The following CRACD variants were observed in gnomAD, a reference collection of about 807,000 sequenced individuals.
The protein encoded by CRACD is capping protein inhibiting regulator of actin dynamics.
CRACD carries 56 observed loss-of-function variants against 106.8 expected under a neutral mutation model. The ratio of observed to expected loss-of-function variants is 0.52; its 90% CI spans 0.42 to 0.66. CRACD has a LOEUF of 0.66. Ranked by LOEUF, CRACD falls within the 30% of genes least tolerant of loss-of-function variation. CRACD has a pLI of 0.00. For missense variants in CRACD, 1,730 were observed against 1,623.2 expected (o/e 1.07, Z -1.13); for synonymous variants, 754 against 670.8 (o/e 1.12, Z -1.92).
At chr4:56,291,451 A>C (rs1440477525) in intron 3 of CRACD, among the ~76,000 whole-genome samples, 3 of 152,172 alleles carry the variant, frequency 2.0e-5, no homozygotes, top group African/African-American at 7.2e-5. Flanking sequence ...TTTCAAGCTG[A>C]GATCTCCACG....
chr4:56,262,618 T>G (rs762659108), intron 2 of CRACD, among the ~76,000 whole-genome samples: 1 of 152,206 alleles, frequency 6.6e-6, no homozygotes, highest in Non-Finnish European at 1.5e-5. Context: ...ACCAAAAGAT[T>G]GGACACTCCT....
At chr4:56,184,326 C>T (rs1405366752) in intron 2 of CRACD, among the ~76,000 whole-genome samples, 1 of 152,234 alleles carries the variant, frequency 6.6e-6, no homozygotes, top group African/African-American at 2.4e-5. Context: ...CCACCTCAGC[C>T]TCCCAAAGTG....
intron 1 of CRACD, among the ~76,000 whole-genome samples, chr4:56,107,827 TC>T (rs1164310357): frequency 6.6e-6 from 1 of 152,204 alleles, no homozygotes. Flanking sequence ...TGTGTATCAA[TC>T]CCTTAATCCA....
chr4:56,305,634 T>C (rs1744647463), intron 4 of CRACD, among the ~76,000 whole-genome samples: 2 of 152,188 alleles, frequency 1.3e-5, no homozygotes, highest in Non-Finnish European at 2.9e-5. Flanking sequence ...ACGCTGTACT[T>C]CCCTTGCTGA....
At chr4:56,200,151 G>A (rs2109472128) in intron 2 of CRACD, among the ~76,000 whole-genome samples, 1 of 150,158 alleles carries the variant, frequency 6.7e-6, no homozygotes, top group East Asian at 1.9e-4. Context: ...TTTCTTTGTG[G>A]CTTAGTCAAA....
chr4:56,182,054 A>G (rs1560474604), intron 2 of CRACD, among the ~76,000 whole-genome samples: 1 of 152,170 alleles, frequency 6.6e-6, no homozygotes, highest in Non-Finnish European at 1.5e-5. Context: ...AGAAAACTCA[A>G]ATAACTTGCC....
chr4:56,105,784 A>G (rs1057189140), intron 1 of CRACD, among the ~76,000 whole-genome samples: 13 of 152,228 alleles, frequency 8.5e-5, no homozygotes, highest in African/African-American at 3.1e-4. Context: ...ATATGATTCT[A>G]ACTGAAATAT....
At chr4:56,092,654 G>A (rs1733460084) in intron 1 of CRACD, among the ~76,000 whole-genome samples, 1 of 151,928 alleles carries the variant, frequency 6.6e-6, no homozygotes, top group South Asian at 2.1e-4. Flanking sequence ...CCAGGCTGGA[G>A]TGCAGTGTGT....
intron 1 of CRACD, among the ~76,000 whole-genome samples, chr4:56,081,805 A>G (rs924384167): frequency 4.6e-5 from 7 of 152,116 alleles, no homozygotes; most frequent in Admixed American, 4.6e-4. Context: ...GCGAAACCCC[A>G]TCTCTACTAA....
intron 1 of CRACD, among the ~76,000 whole-genome samples, chr4:56,091,248 A>G (rs1019073491): frequency 1.8e-4 from 28 of 151,968 alleles, no homozygotes; most frequent in African/African-American, 3.6e-4. Context: ...TAGAGACACT[A>G]TCTTTTCCAG....
chr4:56,086,976 T>G (rs1364477862), intron 1 of CRACD, among the ~76,000 whole-genome samples: 1 of 152,152 alleles, frequency 6.6e-6, no homozygotes, highest in African/African-American at 2.4e-5. Context: ...ATGCTCTCTC[T>G]CCCTCTTCTT....
chr4:56,325,841 A>T (rs1465548488), intron 10 of CRACD, among the ~76,000 whole-genome samples: 2 of 152,262 alleles, frequency 1.3e-5, no homozygotes, highest in South Asian at 4.1e-4. Context: ...AGATATTAAG[A>T]GGTCTTACTA....
intron 2 of CRACD, among the ~76,000 whole-genome samples, chr4:56,253,616 T>TAAAAGCAAAAAACAAAACAACAAAGC: frequency 6.6e-6 from 1 of 152,338 alleles, no homozygotes; most frequent in Non-Finnish European, 1.5e-5. Context: ...TCAGCCATGT[T>TAAAAGCAAAAAACAAAACAACAAAGC]AAAAGCAAAA....
intron 1 of CRACD, among the ~76,000 whole-genome samples, chr4:56,091,122 G>A (rs1477114311): frequency 6.6e-6 from 1 of 151,908 alleles, no homozygotes; most frequent in Non-Finnish European, 1.5e-5. Context: ...TTGCAATCCG[G>A]GCTCACTGCA....
At chr4:56,170,164 T>C (rs1490618941) in intron 1 of CRACD, 2 of 152,288 alleles carry the variant, frequency 1.3e-5, no homozygotes, top group Non-Finnish European at 2.9e-5. Flanking sequence ...AGAGGACCCT[T>C]CACTTCTTGG....
intron 1 of CRACD, among the ~76,000 whole-genome samples, chr4:56,175,124 C>T (rs1435673055): frequency 6.6e-6 from 1 of 152,106 alleles, no homozygotes; most frequent in East Asian, 1.9e-4. Flanking sequence ...GGACACAGAG[C>T]CAAACCATAA....
Position 56,314,494 on chromosome 4 carries a change from A to G in CRACD, c.992A>G (p.Glu331Gly), listed in dbSNP as rs1379287167. Residue 331 changes from glutamate (E) to glycine (G), a missense_variant, in exon 8 of 11, where the codon GAG (glutamate) becomes GGG (glycine). Coordinates refer to ENST00000682029, the MANE Select transcript of CRACD (RefSeq NM_001393381.1). The surrounding 1 kb of genome is among the most constrained non-coding windows in gnomAD (Gnocchi z 4.4). ...RRLQAQAQAE[E>G]RRRLEEDARL... Reference sequence around the variant, plus strand: ...CTGCAGGCCCAGGCCCAAGCGGAGGAGAGGCGGCGGCTGGAGGAGGACGCC... The same window carrying G: ...CTGCAGGCCCAGGCCCAAGCGGAGGGGAGGCGGCGGCTGGAGGAGGACGCC... 2 of 1,521,476 alleles carry G rather than the reference A, an allele frequency of 1.3e-6. No homozygotes were observed. The highest frequency in any genetic ancestry group is 8.8e-7 in the Non-Finnish European group (1 of 1,137,320). 94.2% of individuals were successfully genotyped at this position (1,521,476 alleles called of 1,614,324 possible).
chr4:56,141,522 A>G (rs1735195691), intron 1 of CRACD, among the ~76,000 whole-genome samples: 1 of 151,864 alleles, frequency 6.6e-6, no homozygotes, highest in Admixed American at 6.6e-5. Context: ...ACTTGAGCCC[A>G]GGAGGTCGAG....
chr4:56,116,079 T>G (rs1401854231), intron 1 of CRACD, among the ~76,000 whole-genome samples: 7 of 152,246 alleles, frequency 4.6e-5, no homozygotes, highest in Non-Finnish European at 8.8e-5. Flanking sequence ...AGTCATCTTC[T>G]CTGCGTAGTG....
Sources: allele counts gnomAD v4.1 joint callset (sites outside exome capture counted in the v4.1 genomes callset), GRCh38; gene constraint gnomAD v4.1.1; non-coding constraint Gnocchi (gnomAD v3.1); transcripts MANE v1.5; gene names NCBI Gene and HGNC (gene_info 2026-07-23, HGNC 2026-07-21).